The following VPS16 variants were observed in gnomAD, a reference collection of about 807,000 sequenced individuals.
The protein encoded by VPS16 is vacuolar protein sorting-associated protein 16 homolog.
In VPS16, 82 loss-of-function variants were observed where a neutral mutation model predicts 116.0. The observed-to-expected ratio is 0.71, with a 90% CI of 0.59 to 0.85. The LOEUF is 0.85. VPS16 is among the 40% of genes least tolerant of loss of function. The pLI, the probability that VPS16 is intolerant of heterozygous loss-of-function variation, is 0.00. For synonymous variants in VPS16, 406 were observed against 420.7 expected (o/e 0.96, Z 0.43); for missense variants, 928 against 1,090.6 (o/e 0.85, Z 2.10).
Position 2,840,907 on chromosome 20 carries a change from CCT to C in VPS16, c.53+81_53+82del, listed in dbSNP as rs1399345077. 6 of 1,378,968 alleles carry C rather than the reference CCT, an allele frequency of 4.4e-6. No homozygotes were observed. In the Admixed American group the frequency reaches 6.4e-5, roughly 15 times the overall value. The allele number at this position is 1,378,968 out of a possible 1,614,324, so 85.4% of individuals were successfully genotyped here. A position where few individuals can be genotyped will look rare whatever the true frequency, so the allele number is the denominator to read the frequency against. Reference sequence around the variant, plus strand: ...CTGGAGTCTCCCGGCGGCGTTCGCCCCTGTCACTACTGGCGCTGGGGTCCGCC... The same window carrying C: ...CTGGAGTCTCCCGGCGGCGTTCGCCCGTCACTACTGGCGCTGGGGTCCGCC... On this transcript the variant is annotated intron_variant, in intron 1 of 23. Coordinates refer to ENST00000380445, the MANE Select transcript of VPS16 (RefSeq NM_022575.4).
In VPS16 at chr20:2,854,960, A is replaced by ATTTT. The variant is rs547295825; in HGVS notation, c.54-4744_54-4741dup. ...CCAGATACGTTGTCAATGAGCAGTA[A>ATTTT]TTTTTTTTTTTTTTTTTTGAGATGG... is the stretch of plus-strand genomic sequence containing the variant. On this transcript the variant is annotated intron_variant, in intron 1 of 23. Transcript: ENST00000380445. Among the ~76,000 whole-genome samples, 93 of 110,126 alleles carry ATTTT rather than the reference A, an allele frequency of 8.4e-4. 11 individuals carry two copies. Among genetic ancestry groups the ATTTT allele is most frequent in the African/African-American group, 2.8e-3 (72 of 25,706 alleles). The allele number at this position is 110,126 out of a possible 152,430, so 72.2% of individuals were successfully genotyped here.
rs377198108 is a variant in VPS16 at position 2,863,294 on chromosome 20, G to A, written c.1372G>A (p.Val458Met). The change falls in exon 15 of 24, where the codon GTG (valine) becomes ATG (methionine). Residue 458 changes from valine to methionine, a missense_variant. Transcript: ENST00000380445. This position sits in a 1 kb window ranked among gnomAD's most constrained non-coding sequence, Gnocchi z 4.4. ...TTTACCCACCGGGTCTACCAGGCTC[G>A]TGTTGCGGAGACTTTACCCCCTGGC... Reference protein sequence around the residue: ...LTIQVLLDRLVLRRLYPLAIQ... With the variant: ...LTIQVLLDRLMLRRLYPLAIQ... The A allele has an allele frequency of 5.3e-5, 85 of 1,614,048 alleles. No individual in the cohort carries two copies. Among genetic ancestry groups the A allele is most frequent in the East Asian group, 1.3e-4 (6 of 44,884 alleles).
Position 2,859,702 on chromosome 20 carries a change from C to T in VPS16, c.54-17C>T. The T allele has an allele frequency of 1.2e-6, 2 of 1,612,790 alleles. No homozygotes were observed. The highest frequency in any genetic ancestry group is 1.7e-6 in the Non-Finnish European group (2 of 1,179,366). ...CAGGGTAATGAGGCTAATTTCTGCT[C>T]ATCTCTGTGTGGGCAGGAAATATGA... On this transcript the variant is annotated splice_polypyrimidine_tract_variant and intron_variant, in intron 1 of 23. Coordinates refer to ENST00000380445, the MANE Select transcript of VPS16 (RefSeq NM_022575.4).
At chr20:2,849,645 TCTG>T (rs2089098320) in intron 1 of VPS16, among the ~76,000 whole-genome samples, 2 of 152,192 alleles carry the variant, frequency 1.3e-5, no homozygotes, top group Non-Finnish European at 2.9e-5. Context: ...AGAGAAGACT[TCTG>T]CTTCTCAGAA....
At chr20:2,853,864 G>A (rs1306709931) in intron 1 of VPS16, among the ~76,000 whole-genome samples, 1 of 151,762 alleles carries the variant, frequency 6.6e-6, no homozygotes, top group Non-Finnish European at 1.5e-5. Context: ...GTAGAGACAG[G>A]GTTTCACCGT....
chr20:2,855,148 G>C (rs1420451652), intron 1 of VPS16, among the ~76,000 whole-genome samples: 1 of 151,646 alleles, frequency 6.6e-6, no homozygotes, highest in Non-Finnish European at 1.5e-5. Context: ...TTTAGTAGAG[G>C]CGGGGTTTCA....
rs949047672 is a variant in VPS16, at chr20:2,863,869, G to A, written c.1477-80G>A. ...GAAGGGAGGGAGGAAGGGAACTGAA[G>A]GGGTGGGTCCTAAGGGCTTGCAGGA... On this transcript the variant is annotated intron_variant, in intron 15 of 23. Transcript: ENST00000380445. The surrounding 1 kb of genome is among the most constrained non-coding windows in gnomAD (Gnocchi z 4.4). 1.9e-6 allele frequency: 3 copies of A among 1,548,242 alleles called. No individual in the cohort carries two copies. The highest frequency in any genetic ancestry group is 2.6e-6 in the Non-Finnish European group (3 of 1,139,914).
chr20:2,863,051 C>T lies in VPS16; in HGVS notation c.1332-14C>T, dbSNP rs200748131. The T allele has an allele frequency of 1.6e-4, 254 of 1,614,032 alleles. 2 individuals carry two copies. In the East Asian group the frequency reaches 2.3e-3, roughly 14 times the overall value. On this transcript the variant is annotated splice_polypyrimidine_tract_variant and intron_variant, in intron 13 of 23. Transcript: ENST00000380445. This position sits in a 1 kb window ranked among gnomAD's most constrained non-coding sequence, Gnocchi z 4.4. Reference sequence around the variant, plus strand: ...CTTATTCTCCAACTGGATCCTTAACCGAGGAAAATACAGATATAAGCAGCT... The same window carrying T: ...CTTATTCTCCAACTGGATCCTTAACTGAGGAAAATACAGATATAAGCAGCT...
In VPS16 at chr20:2,862,093, C is replaced by G; in HGVS notation, c.1034C>G (p.Pro345Arg). ...ATCTTCAAAATTGCCTCAATGGCCCCCGGGGCGCTGCTCCTGGAGGCTCAG... is the reference window on the plus strand; with the variant it reads ...ATCTTCAAAATTGCCTCAATGGCCCGCGGGGCGCTGCTCCTGGAGGCTCAG... Reference protein sequence around the residue: ...EEIFKIASMAPGALLLEAQKE... With the variant: ...EEIFKIASMARGALLLEAQKE... The change falls in exon 11 of 24, where the codon CCC becomes CGC. Residue 345 changes from proline to arginine, a missense_variant. Coordinates refer to ENST00000380445, the MANE Select transcript of VPS16 (RefSeq NM_022575.4). The G allele has an allele frequency of 4.3e-6, 7 of 1,613,900 alleles. No individual in the cohort carries two copies. The highest frequency in any genetic ancestry group is 5.1e-6 in the Non-Finnish European group (6 of 1,179,954).
intron 1 of VPS16, among the ~76,000 whole-genome samples, chr20:2,859,108 G>C (rs2089201390): frequency 1.3e-5 from 2 of 152,042 alleles, no homozygotes; most frequent in Non-Finnish European, 2.9e-5. Flanking sequence ...GACCAGCCTG[G>C]GCAACATGGG....
At position 2,864,688 on chromosome 20, in the gene VPS16, G is replaced by T. The variant is rs2089297743; in HGVS notation, c.1926+34G>T. The T allele has an allele frequency of 6.2e-7, 1 of 1,605,158 alleles. No homozygotes were observed. Among genetic ancestry groups the T allele is most frequent in the Non-Finnish European group, 8.5e-7 (1 of 1,173,896 alleles). On this transcript the variant is annotated intron_variant, in intron 19 of 23. Transcript: ENST00000380445. The surrounding 1 kb of genome is among the most constrained non-coding windows in gnomAD (Gnocchi z 5.2). ...TCCATGGGGCGTGTGGGGCGTGTGGGGCATGTGGGCTGGGGCTGTTGGTCC... is the reference window on the plus strand; with the variant it reads ...TCCATGGGGCGTGTGGGGCGTGTGGTGCATGTGGGCTGGGGCTGTTGGTCC...
Position 2,862,689 on chromosome 20 carries a change from C to T in VPS16, c.1182C>T (p.Asp394=). The T allele has an allele frequency of 6.3e-7, 1 of 1,583,626 alleles. No individual in the cohort carries two copies. Among genetic ancestry groups the T allele is most frequent in the Non-Finnish European group, 8.6e-7 (1 of 1,168,864 alleles). The stretch of plus-strand genomic sequence containing the variant: ...CTGCAGGACATGAGCACCAGCCAGA[C>T]ATGCAGAAGAGTCTGCTCAGGGTTG... ...IEAAGHEHQP[D]MQKSLLRAAS... is the part of the protein sequence containing the mutation. The change falls in exon 12 of 24, where the codon GAC becomes GAT. Residue 394 remains aspartate (D), a synonymous_variant. Transcript: ENST00000380445.
intron 1 of VPS16, among the ~76,000 whole-genome samples, chr20:2,847,381 T>G (rs1279231259): frequency 1.3e-5 from 2 of 152,150 alleles, no homozygotes; most frequent in Non-Finnish European, 2.9e-5. Flanking sequence ...CTCAAGTGAT[T>G]TTATCCATCT....
At chr20:2,850,108 G>A (rs1309483929) in intron 1 of VPS16, among the ~76,000 whole-genome samples, 3 of 152,068 alleles carry the variant, frequency 2.0e-5, no homozygotes, top group Non-Finnish European at 4.4e-5. Context: ...GGTCAGCTGG[G>A]GTCAGGAGTT....
rs759473812 is a variant in VPS16 at position 2,860,496 on chromosome 20, G to A, written c.417G>A (p.Glu139=). The A allele has an allele frequency of 5.6e-6, 9 of 1,613,956 alleles. No homozygotes were observed. The highest frequency in any genetic ancestry group is 1.7e-5 in the Admixed American group (1 of 59,998). The part of the protein sequence containing the change: ...RVLDARIFHT[E]FGSGVAILTG... ...TGGATGCCCGGATCTTTCACACTGA[G>A]TTTGGTTCCGGAGTGGCCATCCTCA... The change falls in exon 5 of 24, where the codon GAG becomes GAA. Residue 139 remains glutamate (E), a synonymous_variant. Transcript: ENST00000380445. This position sits in a 1 kb window ranked among gnomAD's most constrained non-coding sequence, Gnocchi z 6.1.
In VPS16 at chr20:2,862,263, T is replaced by C. The variant is rs758385678; in HGVS notation, c.1071+133T>C. ...GACACTGGTCTGGGCTGGGGAGGGC[T>C]GGCTCATGTAAACTGAAGAGACACT... On this transcript the variant is annotated intron_variant, in intron 11 of 23. Coordinates refer to ENST00000380445, the MANE Select transcript of VPS16 (RefSeq NM_022575.4). The C allele has an allele frequency of 7.7e-6, 9 of 1,163,666 alleles. No individual in the cohort carries two copies. The African/African-American group carries it at 1.2e-4, about 16-fold the overall frequency. 72.1% of individuals were successfully genotyped at this position (1,163,666 alleles called of 1,614,324 possible). A position where few individuals can be genotyped will look rare whatever the true frequency, so the allele number is the denominator to read the frequency against.
At chr20:2,842,877 GATGTATC>G (rs2089017942) in intron 1 of VPS16, among the ~76,000 whole-genome samples, 1 of 148,724 alleles carries the variant, frequency 6.7e-6, no homozygotes, top group Admixed American at 6.9e-5. Flanking sequence ...TAGATAGATA[GATGTATC>G]TATCGATAGA....
chr20:2,863,510 C>G lies in VPS16; in HGVS notation c.1476+112C>G, dbSNP rs373838700. On this transcript the variant is annotated intron_variant, in intron 15 of 23. Coordinates refer to ENST00000380445, the MANE Select transcript of VPS16 (RefSeq NM_022575.4). The surrounding 1 kb of genome is among the most constrained non-coding windows in gnomAD (Gnocchi z 4.4). ...GGGCACGGTGGCTCATGCCTGTAAT[C>G]CCAACACTTTGGGAGGCTGAGGCGG... The G allele has an allele frequency of 5.5e-5, 60 of 1,094,404 alleles. No homozygotes were observed. In the East Asian group the frequency reaches 8.9e-4, roughly 16 times the overall value. 67.8% of individuals were successfully genotyped at this position (1,094,404 alleles called of 1,614,324 possible). A position where few individuals can be genotyped will look rare whatever the true frequency, so the allele number is the denominator to read the frequency against.
intron 1 of VPS16, among the ~76,000 whole-genome samples, chr20:2,842,676 A>ATATATAGATAGACATATGGATGTATC (rs2088996447): frequency 9.1e-6 from 1 of 109,404 alleles, no homozygotes; most frequent in African/African-American, 5.5e-5. Context: ...ATGTATCTAT[A>ATATATAGATAGACATATGGATGTATC]TATATATAGA....
Sources: allele counts gnomAD v4.1 joint callset (sites outside exome capture counted in the v4.1 genomes callset), GRCh38; gene constraint gnomAD v4.1.1; non-coding constraint Gnocchi (gnomAD v3.1); transcripts MANE v1.5; gene names NCBI Gene and HGNC (gene_info 2026-07-23, HGNC 2026-07-21).